SNX13: variants seen among roughly 807,000 people sequenced by gnomAD.
SNX13 encodes the protein sorting nexin 13, also known as sorting nexin-13.
Under a neutral mutation model 133.6 loss-of-function variants are expected in SNX13, and 45 were observed. The ratio of observed to expected loss-of-function variants is 0.34; its 90% CI spans 0.27 to 0.43. The LOEUF is 0.43. SNX13 is among the 20% of genes least tolerant of loss of function. The pLI, the probability that SNX13 is intolerant of heterozygous loss-of-function variation, is 1.00. For missense variants in SNX13, 1,032 were observed against 1,145.1 expected (o/e 0.90, Z 1.43); for synonymous variants, 414 against 373.9 (o/e 1.11, Z -1.24).
At chr7:17,809,417 A>T (rs528855530) in intron 20 of SNX13, among the ~76,000 whole-genome samples, 3 of 152,244 alleles carry the variant, frequency 2.0e-5, no homozygotes, top group Admixed American at 6.5e-5. Flanking sequence ...GGATCAATGC[A>T]ACAAGAGCTA....
At chr7:17,803,010 T>C (rs1310875625) in intron 21 of SNX13, among the ~76,000 whole-genome samples, 2 of 152,160 alleles carry the variant, frequency 1.3e-5, no homozygotes, top group East Asian at 1.9e-4. Context: ...AATCATTCTA[T>C]CATGTAAATC....
chr7:17,866,050 G>T (rs1793359606), intron 9 of SNX13, among the ~76,000 whole-genome samples: 2 of 152,088 alleles, frequency 1.3e-5, no homozygotes, highest in Admixed American at 1.3e-4. Context: ...GAAGAAAACA[G>T]TGGGGAAACA....
intron 5 of SNX13, chr7:17,881,689 T>C (rs748712008): frequency 3.3e-5 from 5 of 152,156 alleles, no homozygotes; most frequent in African/African-American, 7.2e-5. Context: ...CTGAATCAGA[T>C]ACTAAGTCCC....
intron 24 of SNX13, among the ~76,000 whole-genome samples, chr7:17,797,951 G>A (rs1229092276): frequency 6.6e-6 from 1 of 151,794 alleles, no homozygotes; most frequent in Non-Finnish European, 1.5e-5. Flanking sequence ...TACCTACCTC[G>A]AAAAATGGCA....
intron 9 of SNX13, among the ~76,000 whole-genome samples, chr7:17,858,121 A>G (rs1310738034): frequency 6.6e-6 from 1 of 152,200 alleles, no homozygotes; most frequent in African/African-American, 2.4e-5. Flanking sequence ...AACCAGGAGA[A>G]AAAGGATGCC....
At chr7:17,933,438 G>A (rs1801641052) in intron 1 of SNX13, among the ~76,000 whole-genome samples, 1 of 152,032 alleles carries the variant, frequency 6.6e-6, no homozygotes. Context: ...AGCTAGTCAG[G>A]AGGCTGAGGC....
chr7:17,891,499 C>G, intron 4 of SNX13, 47 bp downstream of exon 4: 1 of 1,393,090 alleles, frequency 7.2e-7, no homozygotes, highest in Non-Finnish European at 1.0e-6. Flanking sequence ...AAGAAATATA[C>G]CTAGAACACA....
chr7:17,927,598 A>C (rs936878555), intron 1 of SNX13, among the ~76,000 whole-genome samples: 2 of 152,136 alleles, frequency 1.3e-5, no homozygotes, highest in Non-Finnish European at 2.9e-5. Flanking sequence ...CTATTCCATA[A>C]ATACTCTGTT....
Position 17,793,815 on chromosome 7 carries a change from T to C in SNX13, c.*230A>G. The C allele has an allele frequency of 2.4e-6, 1 of 419,466 alleles. No homozygotes were observed. Among genetic ancestry groups the C allele is most frequent in the Non-Finnish European group, 4.1e-6 (1 of 242,688 alleles). The allele number at this position is 419,466 out of a possible 1,614,324, so 26.0% of individuals were successfully genotyped here. On this transcript the variant is annotated 3_prime_UTR_variant, in exon 26 of 26. Coordinates refer to ENST00000428135, the MANE Select transcript of SNX13 (RefSeq NM_015132.5). ...TGCTTGAGATGGGGGCAGTTTTCTC[T>C]CAATGTTGCAAAATATGCACCAAAT...
intron 1 of SNX13, among the ~76,000 whole-genome samples, chr7:17,903,545 C>T: frequency 6.6e-6 from 1 of 152,136 alleles, no homozygotes; most frequent in East Asian, 1.9e-4. Flanking sequence ...ATTTCCTCAC[C>T]TATGTCATGT....
chr7:17,887,475 T>C (rs1329039055), intron 5 of SNX13, among the ~76,000 whole-genome samples: 1 of 152,154 alleles, frequency 6.6e-6, no homozygotes, highest in East Asian at 1.9e-4. Flanking sequence ...AAGCTGGTAC[T>C]GGAATAACAA....
intron 5 of SNX13, among the ~76,000 whole-genome samples, chr7:17,877,956 T>C (rs1479637739): frequency 6.6e-6 from 1 of 152,042 alleles, no homozygotes; most frequent in Non-Finnish European, 1.5e-5. Context: ...CATTTATAAA[T>C]TAGGATATAT....
chr7:17,889,023 T>C (rs1023784034), intron 5 of SNX13: 5 of 192,874 alleles, frequency 2.6e-5, no homozygotes, highest in Middle Eastern at 2.0e-3. Context: ...CTTCCTATTC[T>C]CACCCTTTCA....
chr7:17,796,308 A>T (rs1189567800), intron 25 of SNX13: 2 of 152,248 alleles, frequency 1.3e-5, no homozygotes, highest in African/African-American at 4.8e-5. Flanking sequence ...TTTAAGTAAT[A>T]AAGATTAATA....
At chr7:17,798,532 C>A (rs140314905) in intron 24 of SNX13, among the ~76,000 whole-genome samples, 158 bp downstream of exon 24, 1 of 151,782 alleles carries the variant, frequency 6.6e-6, no homozygotes. Context: ...GTTCATAAGA[C>A]AAATGTTTAG....
chr7:17,890,485 C>A lies in SNX13; in HGVS notation c.319-1G>T. The A allele has an allele frequency of 1.3e-6, 2 of 1,551,048 alleles. No homozygotes were observed. Among genetic ancestry groups the A allele is most frequent in the East Asian group, 2.3e-5 (1 of 43,520 alleles). On this transcript the variant is annotated splice_acceptor_variant, in intron 4 of 25. Transcript: ENST00000428135. LOFTEE classifies it high-confidence loss of function. Reference sequence around the variant, plus strand: ...AATCCCTCAAGGAAAACTGGATAACCTATAACAAAAATATTGGAAAAAAAA... The same window carrying A: ...AATCCCTCAAGGAAAACTGGATAACATATAACAAAAATATTGGAAAAAAAA...
intron 15 of SNX13, among the ~76,000 whole-genome samples, chr7:17,833,447 A>AG (rs1018383610): frequency 6.6e-6 from 1 of 151,718 alleles, no homozygotes; most frequent in African/African-American, 2.4e-5. Context: ...AACTTCACAC[A>AG]GGTAGTAAGT....
intron 11 of SNX13, among the ~76,000 whole-genome samples, chr7:17,849,281 TGA>T (rs1233030269): frequency 3.9e-5 from 6 of 152,186 alleles, no homozygotes; most frequent in Non-Finnish European, 8.8e-5. Context: ...AAATTATCCT[TGA>T]GTTATTTTTT....
intron 5 of SNX13, among the ~76,000 whole-genome samples, chr7:17,883,268 A>T (rs923615535): frequency 2.6e-5 from 4 of 152,216 alleles, no homozygotes; most frequent in African/African-American, 9.6e-5. Flanking sequence ...CACATAAAGT[A>T]TAGTCATCAT....
Sources: allele counts gnomAD v4.1 joint callset (sites outside exome capture counted in the v4.1 genomes callset), GRCh38; gene constraint gnomAD v4.1.1; transcripts MANE v1.5; gene names NCBI Gene and HGNC (gene_info 2026-07-23, HGNC 2026-07-21).